INTS12: variants seen among roughly 807,000 people sequenced by gnomAD.
INTS12 encodes the protein PHD finger protein 22.
Under a neutral mutation model 41.6 loss-of-function variants are expected in INTS12, and 13 were observed. The ratio of observed to expected loss-of-function variants is 0.31; its 90% CI spans 0.20 to 0.50. The LOEUF (loss-of-function observed/expected upper bound fraction) is 0.50, where lower values mean the gene tolerates loss of function less well. Among genes scored for constraint, INTS12 ranks in the 20% least tolerant of loss-of-function variants. The pLI, the probability that INTS12 is intolerant of heterozygous loss-of-function variation, is 0.98. For missense variants in INTS12, 432 were observed against 541.6 expected, an observed-to-expected ratio of 0.80 and a Z score of 2.01; for synonymous variants, 199 against 191.4, an observed-to-expected ratio of 1.04 and a Z score of -0.33.
chr4:105,706,496 T>A (rs140717055), intron 1 of INTS12: 1 of 152,322 alleles, frequency 6.6e-6, no homozygotes, highest in Non-Finnish European at 1.5e-5. Context: ...ACAATCCTCC[T>A]GTTGTGGCTT....
rs1477317760 is a variant in INTS12 at position 105,682,703 on chromosome 4, T to C, written c.*30A>G. ...AATAATAAGCCTTTCATCTTTAGGC[T>C]AATATGATACAAAAACCTACTTGGC... On this transcript the variant is annotated 3_prime_UTR_variant, in exon 8 of 8. Transcript: ENST00000340139. 1.3e-6 allele frequency: 2 copies of C among 1,522,982 alleles called. No homozygotes were observed. Among genetic ancestry groups the C allele is most frequent in the Admixed American group, 3.4e-5 (2 of 59,096 alleles). 94.3% of individuals were successfully genotyped at this position (1,522,982 alleles called of 1,614,324 possible).
intron 5 of INTS12, 77 bp from the exon 6 acceptor site, chr4:105,692,212 G>GCACAC: frequency 7.3e-7 from 1 of 1,363,202 alleles, no homozygotes; most frequent in Non-Finnish European, 1.0e-6. Flanking sequence ...GGCCAGGTGT[G>GCACAC]CTGGCTCATG....
rs769534430 is a variant in INTS12 at position 105,686,688 on chromosome 4, A to G, written c.804+4T>C. The G allele has an allele frequency of 1.9e-6, 3 of 1,604,262 alleles. No homozygotes were observed. The highest frequency in any genetic ancestry group is 2.6e-6 in the Non-Finnish European group (3 of 1,174,762). ...ATCTTAGATAAAAATAGAATCTACT[A>G]TACCTTGACTTCTGTTCTCTTAAAC... On this transcript the variant is annotated splice_donor_region_variant and intron_variant, in intron 7 of 7. Transcript: ENST00000340139.
intron 1 of INTS12, chr4:105,707,798 C>T (rs80245547): frequency 0.057 from 12,252 of 215,542 alleles, 384 homozygotes; most frequent in Middle Eastern, 0.12. Flanking sequence ...ATCGAATGAA[C>T]GAACTAGGTT....
At chr4:105,685,676 T>C (rs553325114) in intron 7 of INTS12, among the ~76,000 whole-genome samples, 1 of 152,290 alleles carries the variant, frequency 6.6e-6, no homozygotes, top group East Asian at 1.9e-4. Context: ...TTTTTAATAT[T>C]TTTTCTTCCA....
chr4:105,694,164 C>A (rs1030760152), intron 4 of INTS12, among the ~76,000 whole-genome samples: 3 of 152,086 alleles, frequency 2.0e-5, no homozygotes, highest in African/African-American at 7.2e-5. Context: ...ACTGGTTAAT[C>A]ATTCCCCTAT....
intron 7 of INTS12, among the ~76,000 whole-genome samples, chr4:105,684,081 T>C (rs535163934): frequency 5.3e-5 from 8 of 152,240 alleles, no homozygotes; most frequent in African/African-American, 1.9e-4. Flanking sequence ...CAGTGACATT[T>C]TGGGTAGGAC....
chr4:105,686,529 T>C (rs976469094), intron 7 of INTS12, among the ~76,000 whole-genome samples, 163 bp downstream of exon 7: 3 of 152,312 alleles, frequency 2.0e-5, no homozygotes, highest in African/African-American at 4.8e-5. Flanking sequence ...ATTAATGATA[T>C]AAATGTTCCC....
chr4:105,692,472 A>G lies in INTS12; in HGVS notation c.498-337T>C, dbSNP rs1307867133. ...GCACTCCAGCCTTGGTGACAGAGTA[A>G]GACTCTGTCTCAAAAAAAAAAAAAA... On this transcript the variant is annotated intron_variant, in intron 5 of 7. Transcript: ENST00000340139. Among the ~76,000 whole-genome samples the G allele has an allele frequency of 8.3e-5, 12 of 145,340 alleles. No homozygotes were observed. In the Admixed American group the frequency reaches 8.3e-4, roughly 10 times the overall value.
intron 2 of INTS12, among the ~76,000 whole-genome samples, chr4:105,700,486 T>C (rs7659526): frequency 0.24 from 35,782 of 151,766 alleles, 5,948 homozygotes; most frequent in African/African-American, 0.48. Context: ...TGAAAAGGTA[T>C]ATTAAGTGAT....
At chr4:105,708,223 C>G in intron 1 of INTS12, 1 of 985,410 alleles carries the variant, frequency 1.0e-6, no homozygotes, top group Non-Finnish European at 1.2e-6. Context: ...AAGCTGACAG[C>G]AAACACTTAG....
chr4:105,696,710 C>T (rs1468343983), intron 3 of INTS12, among the ~76,000 whole-genome samples: 2 of 151,936 alleles, frequency 1.3e-5, no homozygotes, highest in Non-Finnish European at 2.9e-5. Context: ...GTTTTTATTT[C>T]TCTAGAAAAA....
intron 6 of INTS12, among the ~76,000 whole-genome samples, chr4:105,691,637 G>A (rs755313722): frequency 5.3e-5 from 8 of 152,116 alleles, no homozygotes; most frequent in Non-Finnish European, 1.0e-4. Context: ...CAAAGAGTGG[G>A]GCTTTGTATC....
chr4:105,707,006 C>T (rs947106872), intron 1 of INTS12, among the ~76,000 whole-genome samples: 11 of 152,090 alleles, frequency 7.2e-5, no homozygotes, highest in Admixed American at 3.9e-4. Flanking sequence ...CTACCACCTT[C>T]GAAATAAAGA....
chr4:105,686,023 G>T (rs1474344412), intron 7 of INTS12, among the ~76,000 whole-genome samples: 1 of 152,160 alleles, frequency 6.6e-6, no homozygotes, highest in Non-Finnish European at 1.5e-5. Context: ...GAGCAAAATT[G>T]TTGCTACTGA....
chr4:105,707,515 C>CG (rs1732329338), intron 1 of INTS12, among the ~76,000 whole-genome samples: 1 of 152,088 alleles, frequency 6.6e-6, no homozygotes, highest in African/African-American at 2.4e-5. Flanking sequence ...TAGCCATTTC[C>CG]AAGGTCCCTT....
intron 4 of INTS12, among the ~76,000 whole-genome samples, chr4:105,693,728 T>C (rs1446141021): frequency 2.0e-5 from 3 of 152,232 alleles, no homozygotes; most frequent in Non-Finnish European, 2.9e-5. Context: ...CAAATATTTG[T>C]ATTTCTCTTT....
intron 7 of INTS12, among the ~76,000 whole-genome samples, chr4:105,686,149 G>A (rs983914511): frequency 2.0e-5 from 3 of 152,028 alleles, no homozygotes; most frequent in South Asian, 4.1e-4. Context: ...TGCAAACTTC[G>A]CCTCTGGGGT....
intron 7 of INTS12, among the ~76,000 whole-genome samples, chr4:105,683,672 A>C (rs28414565): frequency 0.084 from 12,847 of 152,172 alleles, 1,695 homozygotes; most frequent in African/African-American, 0.28. Context: ...TAAACATCTA[A>C]TTCTTTTAGA....
Sources: allele counts gnomAD v4.1 joint callset (sites outside exome capture counted in the v4.1 genomes callset), GRCh38; gene constraint gnomAD v4.1.1; transcripts MANE v1.5; gene names NCBI Gene and HGNC (gene_info 2026-07-23, HGNC 2026-07-21).